UBOX5: variants seen among roughly 807,000 people sequenced by gnomAD.
UBOX5 encodes U-box domain containing 5, also known as RING finger protein 37.
UBOX5 carries 28 observed loss-of-function variants against 39.0 expected under a neutral mutation model. The ratio of observed to expected loss-of-function variants is 0.72; its 90% confidence interval spans 0.53 to 0.98. The LOEUF is 0.98. UBOX5 is among the 50% of genes least tolerant of loss of function. The probability of loss-of-function intolerance (pLI) is 0.00; values close to 1 mark genes in which losing one functional copy is unlikely to be tolerated. For synonymous variants in UBOX5, 283 were observed against 275.5 expected, an observed-to-expected ratio of 1.03 and a Z score of -0.27; for missense variants, 585 against 674.4, an observed-to-expected ratio of 0.87 and a Z score of 1.47.
chr20:3,134,217 G>A (rs774808722), intron 1 of UBOX5, among the ~76,000 whole-genome samples: 6 of 151,778 alleles, frequency 4.0e-5, no homozygotes, highest in Non-Finnish European at 8.8e-5. Flanking sequence ...ATTATATTAA[G>A]GTTTTCCATA....
intron 1 of UBOX5, among the ~76,000 whole-genome samples, 199 bp from the exon 2 acceptor site, chr20:3,123,605 T>A (rs2066354723): frequency 6.6e-6 from 1 of 152,084 alleles, no homozygotes; most frequent in African/African-American, 2.4e-5. Flanking sequence ...AGAGAAGACT[T>A]CTATGGCAGG....
chr20:3,133,211 T>C (rs1156907246), intron 1 of UBOX5, among the ~76,000 whole-genome samples: 1 of 152,192 alleles, frequency 6.6e-6, no homozygotes, highest in Non-Finnish European at 1.5e-5. Flanking sequence ...TATAATCTCA[T>C]CATCTATCTT....
intron 1 of UBOX5, among the ~76,000 whole-genome samples, chr20:3,146,347 C>G (rs2066562005): frequency 1.8e-5 from 2 of 109,326 alleles, no homozygotes; most frequent in African/African-American, 7.6e-5. Context: ...TCTCAAAAAA[C>G]AAACAAAAAA....
Position 3,148,806 on chromosome 20 carries a change from T to C in UBOX5, c.-42+10960A>G. The C allele has an allele frequency of 2.5e-6, 4 of 1,614,234 alleles. No homozygotes were observed. The highest frequency in any genetic ancestry group is 3.4e-6 in the Non-Finnish European group (4 of 1,180,030). ...CTGGGTGAGCCCAGCTGCAATGTAC[T>C]GGCCTTAGAGGAAGAAGTCTTGCTG... On this transcript the variant is annotated intron_variant, in intron 1 of 4. Coordinates refer to ENST00000217173, the MANE Select transcript of UBOX5 (RefSeq NM_014948.4).
At chr20:3,144,879 T>TG (rs965975854) in intron 1 of UBOX5, among the ~76,000 whole-genome samples, 12 of 152,238 alleles carry the variant, frequency 7.9e-5, no homozygotes, top group African/African-American at 2.9e-4. Context: ...TGGGAACCAT[T>TG]GGCCCAACAG....
In UBOX5 at chr20:3,122,513, CCTGAAACCATGACTTCT is replaced by C; in HGVS notation, c.109_125del (p.Arg37AspfsTer6). ...CTGGTGGCTTAATGAAATACTCTGTCCTGAAACCATGACTTCTCTTTGTGAGATCTTCAGAGATGAGA... is the reference window on the plus strand; with the variant it reads ...CTGGTGGCTTAATGAAATACTCTGTCCTTTGTGAGATCTTCAGAGATGAGA... On this transcript the variant is annotated frameshift_variant, in exon 3 of 5. Coordinates refer to ENST00000217173, the MANE Select transcript of UBOX5 (RefSeq NM_014948.4). LOFTEE classifies it high-confidence loss of function. The C allele has an allele frequency of 6.2e-7, 1 of 1,613,386 alleles. No individual in the cohort carries two copies. Among genetic ancestry groups the C allele is most frequent in the African/African-American group, 1.3e-5 (1 of 75,020 alleles).
chr20:3,146,514 A>G (rs2066564516), intron 1 of UBOX5: 1 of 360,304 alleles, frequency 2.8e-6, no homozygotes, highest in African/African-American at 2.1e-5. Context: ...AAATCCAACA[A>G]GGACTTACTT....
intron 1 of UBOX5, among the ~76,000 whole-genome samples, chr20:3,124,406 G>A (rs1422559235): frequency 6.6e-6 from 1 of 152,180 alleles, no homozygotes; most frequent in Non-Finnish European, 1.5e-5. Flanking sequence ...ATTGCAGACG[G>A]AGTCTCGTTC....
intron 3 of UBOX5, chr20:3,116,740 G>A (rs1201718292): frequency 1.3e-5 from 2 of 152,316 alleles, no homozygotes; most frequent in African/African-American, 4.8e-5. Context: ...TAGTCTTTTA[G>A]AAGAACATAG....
At chr20:3,114,881 G>C (rs2148587865) in intron 4 of UBOX5, among the ~76,000 whole-genome samples, 1 of 152,308 alleles carries the variant, frequency 6.6e-6, no homozygotes, top group African/African-American at 2.4e-5. Flanking sequence ...CCAGGAGGCG[G>C]AGGTTGCAGT....
At chr20:3,143,961 CA>C (rs1040167981) in intron 1 of UBOX5, among the ~76,000 whole-genome samples, 2 of 151,820 alleles carry the variant, frequency 1.3e-5, no homozygotes, top group African/African-American at 4.8e-5. Context: ...CTATATCAAA[CA>C]AAACAAAACA....
rs770866112 is a variant in UBOX5 at position 3,145,875 on chromosome 20, A to C, written c.-42+13891T>G. ...AGCCTGAACAACATGGTGAAACCCC[A>C]TCTCAAATAAAAATGCAAAAATTAG... On this transcript the variant is annotated intron_variant, in intron 1 of 4. Transcript: ENST00000217173. Among the ~76,000 whole-genome samples, 93 of 151,928 alleles carry C rather than the reference A, an allele frequency of 6.1e-4. No individual in the cohort carries two copies. The Middle Eastern group carries it at 0.021, about 34-fold the overall frequency.
At chr20:3,113,246 C>G (rs1228431118) in intron 4 of UBOX5, among the ~76,000 whole-genome samples, 1 of 149,912 alleles carries the variant, frequency 6.7e-6, no homozygotes, top group Non-Finnish European at 1.5e-5. Context: ...CGAGATTGCG[C>G]CATTGTACTC....
chr20:3,143,164 G>A (rs1240722696), intron 1 of UBOX5, among the ~76,000 whole-genome samples: 1 of 138,266 alleles, frequency 7.2e-6, no homozygotes, highest in Non-Finnish European at 1.5e-5. Flanking sequence ...CTGGAGTACA[G>A]TGGCATGATC....
chr20:3,120,785 T>C (rs1442524410), intron 3 of UBOX5, among the ~76,000 whole-genome samples: 2 of 152,224 alleles, frequency 1.3e-5, no homozygotes, highest in African/African-American at 4.8e-5. Flanking sequence ...TCAGTGTGGC[T>C]TTTCTCTTCA....
chr20:3,123,221 C>A lies in UBOX5; in HGVS notation c.54+91G>T, dbSNP rs1011172432. 1.4e-5 allele frequency: 20 copies of A among 1,390,458 alleles called. No individual in the cohort carries two copies. In the East Asian group the frequency reaches 4.6e-4, roughly 32 times the overall value. The allele number at this position is 1,390,458 out of a possible 1,614,324, so 86.1% of individuals were successfully genotyped here. On this transcript the variant is annotated intron_variant, in intron 2 of 4. Coordinates refer to ENST00000217173, the MANE Select transcript of UBOX5 (RefSeq NM_014948.4). The stretch of plus-strand genomic sequence containing the variant: ...GTAACAAGAGCAAAAGTGCAGTAAG[C>A]CTGAATCAAATCCACACACACAAGG...
At chr20:3,120,130 C>T (rs1054771688) in intron 3 of UBOX5, among the ~76,000 whole-genome samples, 4 of 151,958 alleles carry the variant, frequency 2.6e-5, no homozygotes, top group Admixed American at 1.3e-4. Flanking sequence ...AGGTGGATCA[C>T]GAGGTTAACA....
intron 1 of UBOX5, among the ~76,000 whole-genome samples, chr20:3,133,173 CCTGGT>C (rs2066443183): frequency 6.6e-6 from 1 of 151,978 alleles, no homozygotes; most frequent in Admixed American, 6.6e-5. Context: ...TCCGTAAGAA[CCTGGT>C]TGCTATCAAA....
At chr20:3,135,778 G>A (rs1008659872) in intron 1 of UBOX5, among the ~76,000 whole-genome samples, 4 of 86,346 alleles carry the variant, frequency 4.6e-5, no homozygotes, top group Non-Finnish European at 8.0e-5. Flanking sequence ...CTTACTAAAG[G>A]TTGTAGTTAA....
Sources: allele counts gnomAD v4.1 joint callset (sites outside exome capture counted in the v4.1 genomes callset), GRCh38; gene constraint gnomAD v4.1.1; transcripts MANE v1.5; gene names NCBI Gene and HGNC (gene_info 2026-07-23, HGNC 2026-07-21).